LRFN5: variants seen among roughly 807,000 people sequenced by gnomAD.
LRFN5 encodes leucine-rich repeat and fibronectin type-III domain-containing protein 5.
In LRFN5, 24 loss-of-function variants were observed where a neutral mutation model predicts 45.6. That is an observed-to-expected ratio of 0.53 (90% CI 0.38 to 0.74). The LOEUF is 0.74. Ranked by LOEUF, LRFN5 falls within the 30% of genes least tolerant of loss-of-function variation. The pLI, the probability that LRFN5 is intolerant of heterozygous loss-of-function variation, is 0.00. For missense variants in LRFN5, 776 were observed against 861.5 expected (o/e 0.90, Z 1.24); for synonymous variants, 340 against 313.8 (o/e 1.08, Z -0.88).
At position 41,898,911 on chromosome 14, in the gene LRFN5, T is replaced by G. The variant is rs765401347; in HGVS notation, c.2099-6T>G. ...TTGTTTATGACACTGAACATTTTAT[T>G]CCCAGATGCTTTGCTGACTAATGTT... On this transcript the variant is annotated splice_polypyrimidine_tract_variant and splice_region_variant and intron_variant, in intron 4 of 5. Transcript: ENST00000298119. The G allele has an allele frequency of 6.2e-7, 1 of 1,609,466 alleles. No homozygotes were observed.
chr14:41,885,545 A>G (rs1190419982), intron 2 of LRFN5, among the ~76,000 whole-genome samples: 1 of 152,126 alleles, frequency 6.6e-6, no homozygotes, highest in Non-Finnish European at 1.5e-5. Flanking sequence ...ACAGAATATA[A>G]TATCTTGTTG....
In LRFN5 at chr14:41,886,606, G is replaced by A. The variant is rs761249696; in HGVS notation, c.-20G>A. On this transcript the variant is annotated splice_region_variant and 5_prime_UTR_variant, in exon 3 of 6. Transcript: ENST00000298119. ...TTCTATTTTGTGTCTTCCGTTACAG[G>A]CTCTTAAACCTGATCTACAATGGAA... 78 of 1,530,924 alleles carry A rather than the reference G, an allele frequency of 5.1e-5. No individual in the cohort carries two copies. Among genetic ancestry groups the A allele is most frequent in the Non-Finnish European group, 4.4e-6 (5 of 1,142,098 alleles). The allele number at this position is 1,530,924 out of a possible 1,614,324, so 94.8% of individuals were successfully genotyped here.
rs1400365809 is a variant in LRFN5, at chr14:41,804,290, G to T, written c.-21+37261G>T. Among the ~76,000 whole-genome samples, 6 of 152,172 alleles carry T rather than the reference G, an allele frequency of 3.9e-5. No individual in the cohort carries two copies. In the South Asian group the frequency reaches 1.0e-3, roughly 26 times the overall value. ...ATTGGTTGGGGATGCAATCATAGGG[G>T]TGTAGAAAATGGTCCTAGTGTACCA... On this transcript the variant is annotated intron_variant, in intron 2 of 5. Coordinates refer to ENST00000298119, the MANE Select transcript of LRFN5 (RefSeq NM_152447.5).
At chr14:41,693,453 T>G (rs866199209) in intron 1 of LRFN5, among the ~76,000 whole-genome samples, 11 of 152,242 alleles carry the variant, frequency 7.2e-5, no homozygotes, top group Middle Eastern at 6.8e-3. Context: ...CATGTTATGT[T>G]TCTCCATTTA....
At chr14:41,619,468 A>G (rs926873097) in intron 1 of LRFN5, among the ~76,000 whole-genome samples, 16 of 152,080 alleles carry the variant, frequency 1.1e-4, no homozygotes, top group African/African-American at 3.9e-4. Flanking sequence ...TGTATTTGTG[A>G]GGGGGTACCT....
chr14:41,774,149 A>C (rs915901135), intron 2 of LRFN5, among the ~76,000 whole-genome samples: 9 of 152,204 alleles, frequency 5.9e-5, no homozygotes, highest in Non-Finnish European at 1.2e-4. Flanking sequence ...GGCAACCAAC[A>C]TTAGATGCAT....
At chr14:41,820,968 A>C (rs1329601972) in intron 2 of LRFN5, among the ~76,000 whole-genome samples, 1 of 152,032 alleles carries the variant, frequency 6.6e-6, no homozygotes, top group Non-Finnish European at 1.5e-5. Context: ...GCTTTGCATT[A>C]TAGAACTTAA....
intron 2 of LRFN5, among the ~76,000 whole-genome samples, chr14:41,816,348 A>T (rs1566461590): frequency 6.6e-6 from 1 of 152,092 alleles, no homozygotes; most frequent in Non-Finnish European, 1.5e-5. Flanking sequence ...AGAAAAATTA[A>T]AATTTTTATT....
intron 1 of LRFN5, among the ~76,000 whole-genome samples, chr14:41,765,953 T>C (rs1252478319): frequency 6.6e-6 from 1 of 152,178 alleles, no homozygotes; most frequent in African/African-American, 2.4e-5. Context: ...AGATCATTCA[T>C]ATATCTTTAC....
intron 1 of LRFN5, among the ~76,000 whole-genome samples, chr14:41,726,770 A>C (rs979415434): frequency 1.3e-5 from 2 of 152,178 alleles, no homozygotes; most frequent in African/African-American, 4.8e-5. Flanking sequence ...ATACATATTT[A>C]CTAAAACGAC....
At chr14:41,876,500 G>A (rs1890195497) in intron 2 of LRFN5, among the ~76,000 whole-genome samples, 2 of 146,540 alleles carry the variant, frequency 1.4e-5, no homozygotes, top group African/African-American at 5.1e-5. Context: ...GTTTCTCCGT[G>A]TTAGCCAGGA....
chr14:41,606,996 G>GCAGCCC lies in LRFN5; in HGVS notation c.-1761_-1756dup, dbSNP rs973752757. 2.6e-5 allele frequency among the ~76,000 whole-genome samples: 4 copies of GCAGCCC among 152,054 alleles called. No homozygotes were observed. The highest frequency in any genetic ancestry group is 5.9e-5 in the Non-Finnish European group (4 of 67,980). On this transcript the variant is annotated 5_prime_UTR_variant, in exon 1 of 6. Coordinates refer to ENST00000298119, the MANE Select transcript of LRFN5 (RefSeq NM_152447.5). Reference sequence around the variant, plus strand: ...TCCCGGGTCCGCCCCGGCCGCGGCCGCAGCCCCGGACCTCGGCTGCTTGCC... The same window carrying GCAGCCC: ...TCCCGGGTCCGCCCCGGCCGCGGCCGCAGCCCCAGCCCCGGACCTCGGCTGCTTGCC...
At chr14:41,682,704 A>G (rs996999912) in intron 1 of LRFN5, among the ~76,000 whole-genome samples, 3 of 152,204 alleles carry the variant, frequency 2.0e-5, no homozygotes, top group Non-Finnish European at 4.4e-5. Context: ...GAAGAAATGG[A>G]TACATTCCTA....
chr14:41,621,527 G>A (rs1888136252), intron 1 of LRFN5, among the ~76,000 whole-genome samples: 1 of 152,146 alleles, frequency 6.6e-6, no homozygotes, highest in South Asian at 2.1e-4. Context: ...TGAACAATGT[G>A]TAAAAAGAGT....
chr14:41,880,846 T>C (rs1351101629), intron 2 of LRFN5, among the ~76,000 whole-genome samples: 1 of 152,240 alleles, frequency 6.6e-6, no homozygotes, highest in Non-Finnish European at 1.5e-5. Context: ...TCGTGGTTTC[T>C]TGATGAATTG....
At chr14:41,793,237 G>T (rs1886997062) in intron 2 of LRFN5, among the ~76,000 whole-genome samples, 1 of 151,928 alleles carries the variant, frequency 6.6e-6, no homozygotes, top group Non-Finnish European at 1.5e-5. Flanking sequence ...CGGGGCTCCA[G>T]CCGGTCCCTC....
At chr14:41,694,811 T>C (rs1882532711) in intron 1 of LRFN5, among the ~76,000 whole-genome samples, 2 of 151,962 alleles carry the variant, frequency 1.3e-5, no homozygotes, top group Non-Finnish European at 2.9e-5. Context: ...GTAATTATTT[T>C]GGGGGACCAA....
At chr14:41,755,524 CTTCT>C (rs1386801790) in intron 1 of LRFN5, among the ~76,000 whole-genome samples, 7 of 152,074 alleles carry the variant, frequency 4.6e-5, no homozygotes, top group East Asian at 1.9e-4. Context: ...ATGTAATGGC[CTTCT>C]TTGTCTCTTT....
chr14:41,733,084 T>C (rs1008785041), intron 1 of LRFN5, among the ~76,000 whole-genome samples: 2 of 150,576 alleles, frequency 1.3e-5, no homozygotes, highest in African/African-American at 4.9e-5. Flanking sequence ...AAAAGGACCA[T>C]TGGTATGTCA....
Sources: gnomAD v4.1 joint callset for allele counts (sites outside exome capture counted in the v4.1 genomes callset) on GRCh38, gnomAD v4.1.1 for gene constraint, MANE v1.5 for transcripts, NCBI Gene and HGNC (gene_info 2026-07-23, HGNC 2026-07-21) for gene names.